GPC6: variants seen among roughly 807,000 people sequenced by gnomAD.
GPC6 encodes the protein glypican 6.
In GPC6, 14 loss-of-function variants were observed where a neutral mutation model predicts 55.2. That is an observed-to-expected ratio of 0.25 (90% CI 0.17 to 0.40). The LOEUF is 0.40. Among genes scored for constraint, GPC6 ranks in the 10% least tolerant of loss-of-function variants. GPC6 has a pLI of 1.00. For synonymous variants in GPC6, 278 were observed against 259.6 expected (o/e 1.07, Z -0.68); for missense variants, 641 against 708.5 (o/e 0.90, Z 1.08).
At chr13:93,312,174 TAGTC>T (rs1879092363) in intron 1 of GPC6, among the ~76,000 whole-genome samples, 1 of 152,134 alleles carries the variant, frequency 6.6e-6, no homozygotes, top group African/African-American at 2.4e-5. Flanking sequence ...CTTTGGAAAA[TAGTC>T]AGTTTTTTGT....
At chr13:93,524,788 A>C (rs984403657) in intron 1 of GPC6, among the ~76,000 whole-genome samples, 2 of 152,070 alleles carry the variant, frequency 1.3e-5, no homozygotes, top group African/African-American at 4.8e-5. Flanking sequence ...TCTTTCAAGT[A>C]CCAAAGCCCA....
At chr13:93,679,787 AGT>A (rs1881779327) in intron 2 of GPC6, among the ~76,000 whole-genome samples, 1 of 151,710 alleles carries the variant, frequency 6.6e-6, no homozygotes, top group Admixed American at 6.6e-5. Flanking sequence ...ATATTCGCTG[AGT>A]GTTCACCAAG....
chr13:94,144,314 A>G (rs758525044), intron 4 of GPC6, among the ~76,000 whole-genome samples: 8 of 151,602 alleles, frequency 5.3e-5, no homozygotes, highest in Non-Finnish European at 1.0e-4. Context: ...AAATATACGC[A>G]GTGTGGATTT....
chr13:94,337,538 C>T (rs1877777780), intron 6 of GPC6, among the ~76,000 whole-genome samples: 1 of 151,872 alleles, frequency 6.6e-6, no homozygotes, highest in Non-Finnish European at 1.5e-5. Context: ...ACCTCCACCT[C>T]CTGGGTTCAA....
intron 7 of GPC6, among the ~76,000 whole-genome samples, chr13:94,396,490 C>G (rs941975523): frequency 2.6e-5 from 4 of 152,250 alleles, no homozygotes; most frequent in Admixed American, 1.3e-4. Flanking sequence ...AGCACCAACT[C>G]ACTCCTGCAG....
chr13:93,482,344 C>T (rs911621726), intron 1 of GPC6, among the ~76,000 whole-genome samples: 2 of 151,972 alleles, frequency 1.3e-5, no homozygotes, highest in African/African-American at 4.8e-5. Flanking sequence ...CCTTTCCAAA[C>T]TGGATGCTTT....
intron 2 of GPC6, among the ~76,000 whole-genome samples, chr13:93,781,280 A>G (rs1395485209): frequency 1.3e-5 from 2 of 151,702 alleles, no homozygotes; most frequent in African/African-American, 4.8e-5. Flanking sequence ...ATCTCCGAAA[A>G]AAAAAAAAAA....
At chr13:93,711,941 C>T (rs536498412) in intron 2 of GPC6, among the ~76,000 whole-genome samples, 10 of 151,818 alleles carry the variant, frequency 6.6e-5, no homozygotes, top group East Asian at 2.0e-4. Context: ...AGATCAAGCC[C>T]GAGTTGCCCG....
At chr13:93,861,707 A>G (rs906878280) in intron 3 of GPC6, among the ~76,000 whole-genome samples, 2 of 151,650 alleles carry the variant, frequency 1.3e-5, no homozygotes, top group African/African-American at 2.4e-5. Flanking sequence ...ACATTGGTAT[A>G]TGAGCACAAA....
intron 3 of GPC6, among the ~76,000 whole-genome samples, chr13:93,942,216 C>T (rs889886627): frequency 1.3e-5 from 2 of 152,182 alleles, no homozygotes; most frequent in African/African-American, 2.4e-5. Context: ...TACTTTGAAA[C>T]TTAGCAGCTT....
At chr13:93,488,669 G>C (rs1879830191) in intron 1 of GPC6, among the ~76,000 whole-genome samples, 2 of 152,140 alleles carry the variant, frequency 1.3e-5, no homozygotes, top group Non-Finnish European at 2.9e-5. Context: ...ATTCTAACTG[G>C]TGTGAGATGG....
intron 2 of GPC6, among the ~76,000 whole-genome samples, chr13:93,692,674 A>T (rs1882301259): frequency 6.6e-6 from 1 of 151,950 alleles, no homozygotes; most frequent in South Asian, 2.1e-4. Flanking sequence ...TAAATTTTTG[A>T]TGAGGAAAGC....
intron 3 of GPC6, among the ~76,000 whole-genome samples, chr13:93,844,194 A>G (rs908296640): frequency 6.6e-6 from 1 of 152,072 alleles, no homozygotes; most frequent in African/African-American, 2.4e-5. Flanking sequence ...GCTGGAGTGC[A>G]ATGCCACGAT....
At chr13:93,663,712 C>T (rs897292894) in intron 2 of GPC6, among the ~76,000 whole-genome samples, 2 of 152,158 alleles carry the variant, frequency 1.3e-5, no homozygotes, top group African/African-American at 4.8e-5. Context: ...TCTTCCACAG[C>T]TTTCTTGTCT....
At chr13:93,727,775 T>C (rs1271371936) in intron 2 of GPC6, among the ~76,000 whole-genome samples, 1 of 152,144 alleles carries the variant, frequency 6.6e-6, no homozygotes, top group Non-Finnish European at 1.5e-5. Flanking sequence ...TGTGTCACTT[T>C]CCTGTCTGAG....
chr13:93,915,717 C>T (rs372951807), intron 3 of GPC6, among the ~76,000 whole-genome samples: 1 of 152,108 alleles, frequency 6.6e-6, no homozygotes, highest in South Asian at 2.1e-4. Flanking sequence ...ATCTCAGAAC[C>T]ACCTCTTTGA....
chr13:94,269,001 T>C (rs1472535919), intron 4 of GPC6, among the ~76,000 whole-genome samples: 1 of 152,206 alleles, frequency 6.6e-6, no homozygotes, highest in Non-Finnish European at 1.5e-5. Flanking sequence ...CTGTTCTCAG[T>C]ACAGAACCTC....
chr13:93,496,994 C>A, intron 1 of GPC6, among the ~76,000 whole-genome samples: 1 of 152,150 alleles, frequency 6.6e-6, no homozygotes, highest in Non-Finnish European at 1.5e-5. Flanking sequence ...ACCCAAGTTG[C>A]ATTTCTTGTC....
chr13:94,107,567 A>C (rs535287191), intron 4 of GPC6, among the ~76,000 whole-genome samples: 1 of 137,584 alleles, frequency 7.3e-6, no homozygotes, highest in Non-Finnish European at 1.6e-5. Flanking sequence ...TTCTTTTTCT[A>C]TTTCTTTCTC....
Sources: gnomAD v4.1 joint callset for allele counts (sites outside exome capture counted in the v4.1 genomes callset) on GRCh38, gnomAD v4.1.1 for gene constraint, MANE v1.5 for transcripts, NCBI Gene and HGNC (gene_info 2026-07-23, HGNC 2026-07-21) for gene names.